Variants in ELAPOR2 observed in about 807,000 individuals in gnomAD.
ELAPOR2 encodes the protein endosome/lysosome-associated apoptosis and autophagy regulator family member 2.
A neutral mutation model predicts 120.7 loss-of-function variants in ELAPOR2; 89 were observed. The observed-to-expected ratio is 0.74, with a 90% confidence interval of 0.62 to 0.88. The LOEUF (loss-of-function observed/expected upper bound fraction) is 0.88, where lower values mean the gene tolerates loss of function less well. Ranked by LOEUF, ELAPOR2 falls within the 40% of genes least tolerant of loss-of-function variation. The pLI is 0.00. For missense variants in ELAPOR2, 1,134 were observed against 1,251.6 expected (o/e 0.91, Z 1.42); for synonymous variants, 444 against 444.9 (o/e 1.00, Z 0.03).
intron 2 of ELAPOR2, among the ~76,000 whole-genome samples, chr7:86,964,452 AT>A (rs2116480485): frequency 6.6e-6 from 1 of 152,314 alleles, no homozygotes; most frequent in African/African-American, 2.4e-5. Context: ...GCTAAAAAAA[AT>A]ATCCATTGCA....
At chr7:87,010,597 C>T (rs1793624389) in intron 1 of ELAPOR2, among the ~76,000 whole-genome samples, 1 of 152,122 alleles carries the variant, frequency 6.6e-6, no homozygotes, top group Non-Finnish European at 1.5e-5. Context: ...AGAGAAGAGC[C>T]TTGTTCTGCT....
At chr7:87,008,107 TA>T (rs1793543955) in intron 1 of ELAPOR2, among the ~76,000 whole-genome samples, 1 of 152,126 alleles carries the variant, frequency 6.6e-6, no homozygotes, top group South Asian at 2.1e-4. Flanking sequence ...AACCAAATGA[TA>T]AAAAATTACC....
Position 87,059,483 on chromosome 7 carries a change from C to T in ELAPOR2, c.31G>A (p.Gly11Ser). The change falls in exon 1 of 22, where the codon GGC (glycine) becomes AGC (serine). Residue 11 changes from glycine (G) to serine (S), a missense_variant. Coordinates refer to ENST00000450689, the MANE Select transcript of ELAPOR2 (RefSeq NM_001142749.3). The part of the protein sequence containing the change: MLFRARGPVR[G>S]RGWGRPAEAP... ...TCCGCCGGCCGCCCCCAGCCCCTGC[C>T]CCGTACCGGCCCCCGGGCGCGGAAC... is the stretch of plus-strand genomic sequence containing the variant. 8.3e-7 allele frequency: 1 copy of T among 1,210,894 alleles called. No homozygotes were observed. Among genetic ancestry groups the T allele is most frequent in the Non-Finnish European group, 1.0e-6 (1 of 973,332 alleles). 75.0% of individuals were successfully genotyped at this position (1,210,894 alleles called of 1,614,324 possible). A position where few individuals can be genotyped will look rare whatever the true frequency, so the allele number is the denominator to read the frequency against.
In ELAPOR2 at chr7:86,940,024, T is replaced by C; in HGVS notation, c.833A>G (p.Asn278Ser). 1 of 1,603,310 alleles carries C rather than the reference T, an allele frequency of 6.2e-7. No individual in the cohort carries two copies. Residue 278 changes from asparagine (N) to serine (S), a missense_variant, in exon 6 of 22, where the codon AAT (asparagine) becomes AGT (serine). By Grantham distance (46) the Asn-to-Ser change is conservative (BLOSUM62 1). Coordinates refer to ENST00000450689, the MANE Select transcript of ELAPOR2 (RefSeq NM_001142749.3). Reference protein sequence around the residue: ...SKAVKPVLVKNITIEGVAYTS... With the variant: ...SKAVKPVLVKSITIEGVAYTS... The stretch of plus-strand genomic sequence containing the variant: ...CCATGAAATACCTTCAATTGTGATA[T>C]TTTTTACCAGCACAGGCTTGACCGC...
intron 5 of ELAPOR2, among the ~76,000 whole-genome samples, chr7:86,941,686 T>C (rs1305798460): frequency 6.6e-6 from 1 of 152,042 alleles, no homozygotes; most frequent in Non-Finnish European, 1.5e-5. Flanking sequence ...GTTTTGTATA[T>C]TAGTTTTGAA....
intron 2 of ELAPOR2, among the ~76,000 whole-genome samples, chr7:86,962,721 G>A (rs1385158219): frequency 1.3e-5 from 2 of 152,228 alleles, no homozygotes; most frequent in South Asian, 2.1e-4. Flanking sequence ...TGAGATGGCT[G>A]TTGTGAGGAT....
chr7:87,015,659 G>A (rs1198819588), intron 1 of ELAPOR2, among the ~76,000 whole-genome samples: 1 of 151,936 alleles, frequency 6.6e-6, no homozygotes, highest in African/African-American at 2.4e-5. Context: ...ATGGTGGCGG[G>A]CACCTGTAGT....
Position 86,913,144 on chromosome 7 carries a change from C to T in ELAPOR2, c.1792G>A (p.Asp598Asn). Residue 598 changes from aspartate to asparagine, a missense_variant, in exon 14 of 22, where the codon GAT (aspartate) becomes AAT (asparagine). Physicochemically the swap from Asp to Asn is conservative, Grantham distance 23. Transcript: ENST00000450689. ...IYSITATNAVDGVASSCRACA... is the reference protein window; with the variant it reads ...IYSITATNAVNGVASSCRACA... The stretch of plus-strand genomic sequence containing the variant: ...GCACGGCATGAGGACGCCACCCCAT[C>T]AACTGCATTAGTGGCTGTGATAGAA... 2.5e-6 allele frequency: 4 copies of T among 1,614,052 alleles called. No homozygotes were observed. In the South Asian group the frequency reaches 4.4e-5, roughly 18 times the overall value.
At chr7:86,992,891 A>G (rs1792990811) in intron 1 of ELAPOR2, among the ~76,000 whole-genome samples, 1 of 152,186 alleles carries the variant, frequency 6.6e-6, no homozygotes, top group African/African-American at 2.4e-5. Context: ...ATGATCCTCT[A>G]TCATCTTAAA....
chr7:87,058,694 CT>C (rs1156338280), intron 1 of ELAPOR2, among the ~76,000 whole-genome samples: 5 of 152,200 alleles, frequency 3.3e-5, no homozygotes, highest in Non-Finnish European at 7.3e-5. Context: ...TATTCACTGT[CT>C]TTTCTAATTT....
At chr7:86,946,365 GAC>G (rs1429674816) in intron 3 of ELAPOR2, among the ~76,000 whole-genome samples, 1 of 152,080 alleles carries the variant, frequency 6.6e-6, no homozygotes, top group Non-Finnish European at 1.5e-5. Context: ...TCTCCTATAT[GAC>G]ACAACTAATT....
intron 8 of ELAPOR2, among the ~76,000 whole-genome samples, chr7:86,927,201 A>C (rs1354503132): frequency 1.3e-5 from 2 of 151,850 alleles, no homozygotes; most frequent in African/African-American, 4.8e-5. Flanking sequence ...CCTGTTTATC[A>C]CCCTTACTCT....
chr7:86,940,340 A>G (rs1790751842), intron 5 of ELAPOR2, among the ~76,000 whole-genome samples: 1 of 152,102 alleles, frequency 6.6e-6, no homozygotes, highest in South Asian at 2.1e-4. Context: ...ACAGAAAAGA[A>G]GAAGAAATCT....
chr7:86,951,114 G>A (rs113206800), intron 2 of ELAPOR2, among the ~76,000 whole-genome samples: 5 of 152,144 alleles, frequency 3.3e-5, no homozygotes, highest in African/African-American at 9.7e-5. Flanking sequence ...ACAACCTGCA[G>A]GGGAAATCCA....
chr7:87,048,046 C>A (rs980938038), intron 1 of ELAPOR2, among the ~76,000 whole-genome samples: 1 of 152,088 alleles, frequency 6.6e-6, no homozygotes, highest in Non-Finnish European at 1.5e-5. Context: ...GAGATCAAGA[C>A]CATCCTGGCC....
intron 19 of ELAPOR2, among the ~76,000 whole-genome samples, chr7:86,895,958 A>G (rs1319982387): frequency 1.3e-5 from 2 of 152,120 alleles, no homozygotes; most frequent in Admixed American, 6.6e-5. Flanking sequence ...ACAAGAAACT[A>G]TTTTTGTGAA....
chr7:86,997,901 C>G (rs896009134), intron 1 of ELAPOR2, among the ~76,000 whole-genome samples: 1 of 152,118 alleles, frequency 6.6e-6, no homozygotes. Flanking sequence ...AAAAGCCTTT[C>G]GTATGTTTTC....
intron 4 of ELAPOR2, among the ~76,000 whole-genome samples, chr7:86,942,619 C>G (rs550976890): frequency 2.6e-5 from 4 of 152,018 alleles, no homozygotes; most frequent in Admixed American, 6.6e-5. Flanking sequence ...TGGCCAAAGT[C>G]AAAGTTCCAA....
intron 1 of ELAPOR2, among the ~76,000 whole-genome samples, chr7:87,033,875 A>T (rs1794496559): frequency 6.6e-6 from 1 of 152,158 alleles, no homozygotes; most frequent in Non-Finnish European, 1.5e-5. Context: ...TAGCTTATAA[A>T]TTTTTATATA....
Sources: allele counts gnomAD v4.1 joint callset (sites outside exome capture counted in the v4.1 genomes callset), GRCh38; gene constraint gnomAD v4.1.1; transcripts MANE v1.5; gene names NCBI Gene and HGNC (gene_info 2026-07-23, HGNC 2026-07-21).